The following CYP2J2 variants were observed in gnomAD, a reference collection of about 807,000 sequenced individuals.
CYP2J2 encodes cytochrome P450 family 2 subfamily J member 2.
CYP2J2 carries 41 observed loss-of-function variants against 48.8 expected under a neutral mutation model. That is an observed-to-expected ratio of 0.84 (90% CI 0.66 to 1.09). The LOEUF (loss-of-function observed/expected upper bound fraction) is 1.09, where lower values mean the gene tolerates loss of function less well. Among genes scored for constraint, CYP2J2 ranks in the 50% least tolerant of loss-of-function variants. The pLI is 0.00. For synonymous variants in CYP2J2, 221 were observed against 227.1 expected (o/e 0.97, Z 0.24); for missense variants, 644 against 617.3 (o/e 1.04, Z -0.46).
intron 6 of CYP2J2, among the ~76,000 whole-genome samples, chr1:59,907,051 T>C (rs1644370851): frequency 6.6e-6 from 1 of 152,158 alleles, no homozygotes; most frequent in Non-Finnish European, 1.5e-5. Context: ...AGAAAAATAA[T>C]GAGAACATCA....
chr1:59,921,229 A>C (rs554925179), intron 1 of CYP2J2, among the ~76,000 whole-genome samples: 18 of 152,360 alleles, frequency 1.2e-4, no homozygotes, highest in African/African-American at 4.3e-4. Flanking sequence ...GTCAGGCAAC[A>C]TAAAGTAGAT....
At chr1:59,955,340 G>T in the CYP2J2 span, among the ~76,000 whole-genome samples, 69 of 141,876 alleles carry the variant, frequency 4.9e-4, no homozygotes, top group African/African-American at 1.7e-3. Flanking sequence ...ATAAGGACGG[G>T]TTCTTGCTTA....
the CYP2J2 span, among the ~76,000 whole-genome samples, chr1:59,958,479 T>C: frequency 6.6e-6 from 1 of 152,002 alleles, no homozygotes; most frequent in Non-Finnish European, 1.5e-5. Flanking sequence ...TCCTCCCAGG[T>C]CCTGGTATCA....
At chr1:59,913,616 A>G (rs1483289254) in intron 2 of CYP2J2, among the ~76,000 whole-genome samples, 1 of 152,184 alleles carries the variant, frequency 6.6e-6, no homozygotes, top group Non-Finnish European at 1.5e-5. Flanking sequence ...TCATGTCTTA[A>G]GAGGTGTACC....
intron 1 of CYP2J2, 133 bp downstream of exon 1, chr1:59,926,404 T>G: frequency 1.4e-6 from 1 of 712,206 alleles, no homozygotes; most frequent in Non-Finnish European, 2.5e-6. Context: ...AAGTGGGTTT[T>G]ACCAGGTTAC....
the CYP2J2 span, among the ~76,000 whole-genome samples, chr1:59,966,432 A>T: frequency 6.6e-6 from 1 of 152,250 alleles, no homozygotes; most frequent in East Asian, 1.9e-4. Flanking sequence ...TCTTCCTACC[A>T]TTTCCAGTTT....
chr1:59,922,211 G>A (rs775392482), intron 1 of CYP2J2, among the ~76,000 whole-genome samples: 5 of 152,076 alleles, frequency 3.3e-5, no homozygotes, highest in Non-Finnish European at 7.4e-5. Flanking sequence ...AAATAGTCTC[G>A]GGCTCAAATC....
At chr1:59,940,379 C>T in the CYP2J2 span, among the ~76,000 whole-genome samples, 702 of 152,296 alleles carry the variant, frequency 4.6e-3, 9 homozygotes, top group African/African-American at 0.016. Context: ...TAGCTAAGTC[C>T]TGGAAAGGCG....
chr1:59,965,291 T>C, the CYP2J2 span, among the ~76,000 whole-genome samples: 11 of 152,196 alleles, frequency 7.2e-5, no homozygotes, highest in African/African-American at 2.7e-4. Flanking sequence ...GCTGGAAATA[T>C]AAACCAGAGG....
chr1:59,907,643 T>C, intron 6 of CYP2J2, 143 bp downstream of exon 6: 1 of 757,046 alleles, frequency 1.3e-6, no homozygotes. Flanking sequence ...ATGAAGAATG[T>C]GCAGTTTCCA....
the CYP2J2 span, among the ~76,000 whole-genome samples, chr1:59,955,042 G>A: frequency 6.6e-6 from 1 of 151,904 alleles, no homozygotes; most frequent in East Asian, 1.9e-4. Flanking sequence ...GGAGGCTGAG[G>A]TGGGAGGATT....
the CYP2J2 span, among the ~76,000 whole-genome samples, chr1:59,963,602 G>A: frequency 1.3e-5 from 2 of 152,134 alleles, no homozygotes; most frequent in African/African-American, 2.4e-5. Flanking sequence ...GGACATTTGA[G>A]TAGTTTTGAC....
At chr1:59,932,584 AG>A in the CYP2J2 span, among the ~76,000 whole-genome samples, 1 of 151,334 alleles carries the variant, frequency 6.6e-6, no homozygotes, top group Non-Finnish European at 1.5e-5. Context: ...AACTAGTAAA[AG>A]AAGTTCTTTA....
intron 7 of CYP2J2, chr1:59,904,655 C>A (rs753592237): frequency 4.9e-5 from 25 of 510,626 alleles, no homozygotes; most frequent in Non-Finnish European, 8.2e-5. Flanking sequence ...CAGTCTTTAT[C>A]TAAACATATT....
At chr1:59,957,586 A>T in the CYP2J2 span, among the ~76,000 whole-genome samples, 1 of 151,990 alleles carries the variant, frequency 6.6e-6, no homozygotes, top group Non-Finnish European at 1.5e-5. Context: ...CCTTCTACCC[A>T]TTCACTCATA....
At chr1:59,908,795 G>A (rs11572277) in intron 5 of CYP2J2, among the ~76,000 whole-genome samples, 4,872 of 152,294 alleles carry the variant, frequency 0.032, 135 homozygotes, top group Admixed American at 0.087. Flanking sequence ...GGGTAACTGT[G>A]TTAAAGGTCA....
chr1:59,904,987 T>G lies in CYP2J2; in HGVS notation c.1075A>C (p.Met359Leu), dbSNP rs886404864. Residue 359 changes from methionine to leucine, a missense_variant, in exon 7 of 9, where the codon ATG (methionine) becomes CTG (leucine). Transcript: ENST00000371204. Reference protein sequence around the residue: ...QQPSTAARESMPYTNAVIHEV... With the variant: ...QQPSTAARESLPYTNAVIHEV... ...TGGATGACAGCATTGGTGTAGGGCA[T>G]GGACTCCCGGGCGGCTGTGCTCGGC... The G allele has an allele frequency of 1.9e-6, 3 of 1,614,046 alleles. No individual in the cohort carries two copies. Among genetic ancestry groups the G allele is most frequent in the Non-Finnish European group, 2.5e-6 (3 of 1,179,984 alleles).
chr1:59,901,245 G>C (rs573709063), intron 7 of CYP2J2, 142 bp from the exon 8 acceptor site: 6 of 755,602 alleles, frequency 7.9e-6, no homozygotes, highest in Non-Finnish European at 1.3e-5. Context: ...ACAGTCTCCT[G>C]TGTCCCCCAA....
chr1:59,959,750 C>A, the CYP2J2 span, among the ~76,000 whole-genome samples: 1 of 151,904 alleles, frequency 6.6e-6, no homozygotes, highest in African/African-American at 2.4e-5. Flanking sequence ...TTCACAGCAA[C>A]CTGGATGGAG....
Sources: gnomAD v4.1 joint callset for allele counts (sites outside exome capture counted in the v4.1 genomes callset) on GRCh38, gnomAD v4.1.1 for gene constraint, MANE v1.5 for transcripts, NCBI Gene and HGNC (gene_info 2026-07-23, HGNC 2026-07-21) for gene names.